Variants in LPA observed in about 807,000 individuals in gnomAD.
LPA encodes apolipoprotein(a).
In LPA, 199 loss-of-function variants were observed where a neutral mutation model predicts 197.9. The ratio of observed to expected loss-of-function variants is 1.01; its 90% CI spans 0.90 to 1.13. The LOEUF (loss-of-function observed/expected upper bound fraction) is 1.13. LPA is among the 50% of genes most tolerant of loss of function. The pLI is 0.00. For synonymous variants in LPA, 715 were observed against 639.5 expected (o/e 1.12, Z -1.78); for missense variants, 1,853 against 1,785.8 (o/e 1.04, Z -0.68).
At chr6:160,560,983 T>G (rs1778351629) in intron 28 of LPA, among the ~76,000 whole-genome samples, 2 of 152,048 alleles carry the variant, frequency 1.3e-5, no homozygotes, top group South Asian at 4.2e-4. Flanking sequence ...AATCTTGGCT[T>G]GCTGCAAGCT....
chr6:160,586,393 C>T (rs1778910227), intron 25 of LPA, 56 bp downstream of exon 25: 3 of 1,595,770 alleles, frequency 1.9e-6, no homozygotes, highest in Admixed American at 3.3e-5. Flanking sequence ...AAAGATTTTG[C>T]AAATCTTTTT....
intron 24 of LPA, among the ~76,000 whole-genome samples, chr6:160,587,083 C>G (rs7771801): frequency 0.41 from 61,622 of 152,066 alleles, 13,228 homozygotes; most frequent in African/African-American, 0.56. Context: ...TTTACCTAAG[C>G]AATCCATCCA....
chr6:160,605,681 G>A (rs565353732), intron 17 of LPA, among the ~76,000 whole-genome samples: 3 of 152,242 alleles, frequency 2.0e-5, no homozygotes, highest in East Asian at 3.9e-4. Flanking sequence ...ATAACAAAAG[G>A]CAAGGTCTTC....
intron 26 of LPA, among the ~76,000 whole-genome samples, chr6:160,579,440 G>A (rs984506140): frequency 3.9e-5 from 6 of 152,158 alleles, no homozygotes; most frequent in Non-Finnish European, 8.8e-5. Context: ...TCTGCTGGCT[G>A]CAGCCACTCT....
At chr6:160,584,285 TTCTTCTTCC>T in intron 26 of LPA, among the ~76,000 whole-genome samples, 3 of 149,266 alleles carry the variant, frequency 2.0e-5, no homozygotes, top group Non-Finnish European at 4.5e-5. Flanking sequence ...CTTCTTCTTC[TTCTTCTTCC>T]TCTTCTTCTT....
chr6:160,664,136 T>A (rs960230898), intron 1 of LPA, 30 bp downstream of exon 1: 85 of 1,575,656 alleles, frequency 5.4e-5, no homozygotes, highest in Non-Finnish European at 7.3e-5. Context: ...GAAAAAATAA[T>A]TCTTATAATT....
intron 2 of LPA, among the ~76,000 whole-genome samples, chr6:160,647,304 G>C (rs1779910266): frequency 6.6e-6 from 1 of 152,194 alleles, no homozygotes; most frequent in South Asian, 2.1e-4. Context: ...AGTTTGGGCT[G>C]CGGGGATCTT....
chr6:160,577,504 G>T (rs1363308549), intron 27 of LPA, among the ~76,000 whole-genome samples: 1 of 152,136 alleles, frequency 6.6e-6, no homozygotes, highest in Non-Finnish European at 1.5e-5. Flanking sequence ...TAAATCTAAA[G>T]ATAAAGAACA....
At chr6:160,554,149 A>G (rs1183378414) in intron 30 of LPA, among the ~76,000 whole-genome samples, 1 of 151,676 alleles carries the variant, frequency 6.6e-6, no homozygotes, top group Non-Finnish European at 1.5e-5. Context: ...TTTTTTTTAT[A>G]TTCTGCATTT....
chr6:160,606,484 A>T lies in LPA; in HGVS notation c.2778T>A (p.Ser926=), dbSNP rs748735722. ...TGGCCACAGGCTCCTTACCTTGTTCAGAAGGAGCCTCTAGGCTTGGAATCG... is the reference window on the plus strand; with the variant it reads ...TGGCCACAGGCTCCTTACCTTGTTCTGAAGGAGCCTCTAGGCTTGGAATCG... The part of the protein sequence containing the change: ...ITPIPSLEAP[S]EQAPTEQRPG... Residue 926 remains serine (S), a synonymous_variant, in exon 17 of 39, where the codon TCT becomes TCA. Coordinates refer to ENST00000316300, the MANE Select transcript of LPA (RefSeq NM_005577.4). 6.2e-7 allele frequency: 1 copy of T among 1,613,402 alleles called. No individual in the cohort carries two copies. The highest frequency in any genetic ancestry group is 2.2e-5 in the East Asian group (1 of 44,862).
chr6:160,580,983 C>T (rs1473483066), intron 26 of LPA, among the ~76,000 whole-genome samples: 5 of 151,218 alleles, frequency 3.3e-5, no homozygotes, highest in Admixed American at 6.6e-5. Context: ...AAAATTTTTC[C>T]TTCTCCAAGG....
intron 25 of LPA, 139 bp from the exon 26 acceptor site, chr6:160,585,344 A>G: frequency 1.2e-6 from 1 of 812,468 alleles, no homozygotes. Flanking sequence ...GAAATGTAGA[A>G]TAAAAATACA....
intron 38 of LPA, among the ~76,000 whole-genome samples, chr6:160,532,217 C>T (rs1318354402): frequency 6.6e-6 from 1 of 152,174 alleles, no homozygotes; most frequent in East Asian, 1.9e-4. Context: ...CCTGTACCCT[C>T]TACCTTCCTC....
chr6:160,594,226 C>G (rs559623215), intron 21 of LPA, 109 bp from the exon 22 acceptor site: 2 of 1,381,552 alleles, frequency 1.4e-6, no homozygotes, highest in East Asian at 2.3e-5. Flanking sequence ...GACTACCATG[C>G]TCTGTTCTGT....
chr6:160,546,214 G>C (rs1307315444), intron 32 of LPA, among the ~76,000 whole-genome samples: 1 of 152,168 alleles, frequency 6.6e-6, no homozygotes, highest in Non-Finnish European at 1.5e-5. Context: ...CCTCCAGGGA[G>C]GGAAGAGGGG....
chr6:160,565,732 G>A (rs548510911), intron 28 of LPA, among the ~76,000 whole-genome samples: 23 of 152,246 alleles, frequency 1.5e-4, no homozygotes, highest in African/African-American at 4.6e-4. Context: ...AAATTTCTCC[G>A]AGCTAAAGAA....
At chr6:160,634,706 G>A (rs1199660962) in intron 7 of LPA, among the ~76,000 whole-genome samples, 9 of 151,862 alleles carry the variant, frequency 5.9e-5, no homozygotes, top group African/African-American at 1.7e-4. Flanking sequence ...GAGGATGACA[G>A]GCTCCAGAGC....
chr6:160,567,357 A>T (rs1031760736), intron 28 of LPA, among the ~76,000 whole-genome samples: 2 of 152,242 alleles, frequency 1.3e-5, no homozygotes, highest in Non-Finnish European at 2.9e-5. Context: ...AAACTGCTCA[A>T]CTATATGGAA....
In LPA at chr6:160,557,936, T is replaced by G. The variant is rs552785659; in HGVS notation, c.4632-365A>C. 4.8e-3 allele frequency among the ~76,000 whole-genome samples: 729 copies of G among 152,090 alleles called. 5 individuals are homozygous for G. The highest frequency in any genetic ancestry group is 0.017 in the African/African-American group (694 of 41,508). On this transcript the variant is annotated intron_variant, in intron 28 of 38. Transcript: ENST00000316300. ...GTGCATTTTAGATTTTTTTTTTTTT[T>G]TGTGACGGAGTCTCGCTCTGTCGCC...
Sources: allele counts gnomAD v4.1 joint callset (sites outside exome capture counted in the v4.1 genomes callset), GRCh38; gene constraint gnomAD v4.1.1; transcripts MANE v1.5; gene names NCBI Gene and HGNC (gene_info 2026-07-23, HGNC 2026-07-21).